The following STIL variants were observed in gnomAD, a reference collection of about 807,000 sequenced individuals.
STIL encodes the protein SCL-interrupting locus protein.
Under a neutral mutation model 110.1 loss-of-function variants are expected in STIL, and 55 were observed. That is an observed-to-expected ratio of 0.50 (90% confidence interval 0.40 to 0.63). The LOEUF is 0.63. Ranked by LOEUF, STIL falls within the 20% of genes least tolerant of loss-of-function variation. The pLI, the probability that STIL is intolerant of heterozygous loss-of-function variation, is 0.00. For synonymous variants in STIL, 481 were observed against 530.0 expected (o/e 0.91, Z 1.27); for missense variants, 1,358 against 1,530.0 (o/e 0.89, Z 1.87).
chr1:47,300,256 A>C, intron 5 of STIL, 104 bp from the exon 6 acceptor site: 2 of 1,097,956 alleles, frequency 1.8e-6, no homozygotes, highest in Non-Finnish European at 2.6e-6. Context: ...ATCTTGCACA[A>C]ATAAAATTAA....
Position 47,269,842 on chromosome 1 carries a change from G to A in STIL, c.2408C>T (p.Ala803Val), listed in dbSNP as rs1392670443. 1 of 1,614,112 alleles carries A rather than the reference G, an allele frequency of 6.2e-7. No homozygotes were observed. The highest frequency in any genetic ancestry group is 1.3e-5 in the African/African-American group (1 of 75,034). Residue 803 changes from alanine (A) to valine (V), a missense_variant, in exon 14 of 17, where the codon GCA (alanine) becomes GTA (valine). Ala to Val is a moderately conservative substitution (Grantham distance 64). Transcript: ENST00000371877. ...AGAGTCAGGCTCTTGATCCTCACCT[G>A]CTGCATTCCAAAACAAGCTAGCACC... ...STGASLFWNA[A>V]GEDQEPDSQM...
rs764383508 is a variant in STIL, at chr1:47,289,591, C to CA, written c.873-7dup. 8 of 1,609,770 alleles carry CA rather than the reference C, an allele frequency of 5.0e-6. No homozygotes were observed. Among genetic ancestry groups the CA allele is most frequent in the East Asian group, 2.2e-5 (1 of 44,806 alleles). On this transcript the variant is annotated splice_polypyrimidine_tract_variant and splice_region_variant and intron_variant, in intron 8 of 16. Transcript: ENST00000371877. ...TTCCAGATTCTGAAAAAACCCTGCA[C>CA]AAAAAAAGTCATTTAATTAAAATTT...
chr1:47,282,494 G>A (rs775290806), intron 10 of STIL, 35 bp from the exon 11 acceptor site: 1 of 1,281,594 alleles, frequency 7.8e-7, no homozygotes, highest in East Asian at 2.3e-5. Flanking sequence ...AAAAGCCTTT[G>A]GTAATCCAGT....
intron 5 of STIL, among the ~76,000 whole-genome samples, chr1:47,300,357 C>T (rs1250315602): frequency 6.6e-6 from 1 of 152,138 alleles, no homozygotes; most frequent in Non-Finnish European, 1.5e-5. Flanking sequence ...GTAAGATTTA[C>T]TGTCCCAAGC....
At chr1:47,289,305 GATTA>G (rs1645406765) in intron 9 of STIL, 126 bp downstream of exon 9, 11 of 568,398 alleles carry the variant, frequency 1.9e-5, no homozygotes, top group Non-Finnish European at 3.1e-5. Flanking sequence ...TATTTAATAA[GATTA>G]TTTATAAGTA....
chr1:47,293,393 G>C (rs1236017646), intron 8 of STIL, 65 bp downstream of exon 8: 2 of 1,330,710 alleles, frequency 1.5e-6, no homozygotes, highest in African/African-American at 2.9e-5. Context: ...ATTTTAAATG[G>C]GACCATAAAC....
intron 15 of STIL, among the ~76,000 whole-genome samples, chr1:47,262,106 C>G (rs1209282417): frequency 6.6e-6 from 1 of 152,138 alleles, no homozygotes; most frequent in African/African-American, 2.4e-5. Flanking sequence ...ACCTGTGATA[C>G]TATTTCTGCA....
intron 3 of STIL, among the ~76,000 whole-genome samples, chr1:47,304,492 C>T (rs1233278318): frequency 6.6e-6 from 1 of 152,232 alleles, no homozygotes; most frequent in Non-Finnish European, 1.5e-5. Flanking sequence ...TATTACTTTA[C>T]ACCTAAACTT....
chr1:47,312,479 TC>T (rs1408675270), intron 1 of STIL, among the ~76,000 whole-genome samples: 1 of 151,384 alleles, frequency 6.6e-6, no homozygotes, highest in Non-Finnish European at 1.5e-5. Context: ...GACTAAACAG[TC>T]CTTCTTAGAA....
In STIL at chr1:47,260,320, T is replaced by C. The variant is rs1345980323; in HGVS notation, c.3049A>G (p.Lys1017Glu). 1.2e-6 allele frequency: 2 copies of C among 1,614,032 alleles called. No homozygotes were observed. The highest frequency in any genetic ancestry group is 1.7e-6 in the Non-Finnish European group (2 of 1,180,022). ...GVKIDSPTKV[K>E]KNAHNVDHAS... ...TGATCCACGTTATGTGCATTTTTCTTCACTTTAGTGGGAGAATCAATTTTT... is the reference window on the plus strand; with the variant it reads ...TGATCCACGTTATGTGCATTTTTCTCCACTTTAGTGGGAGAATCAATTTTT... The change falls in exon 16 of 17, where the codon AAG (lysine) becomes GAG (glutamate). Residue 1017 changes from lysine (K) to glutamate (E), a missense_variant. Transcript: ENST00000371877.
intron 2 of STIL, among the ~76,000 whole-genome samples, chr1:47,306,398 T>C (rs1450631928): frequency 6.6e-6 from 1 of 151,888 alleles, no homozygotes; most frequent in African/African-American, 2.4e-5. Flanking sequence ...AGACCACAAA[T>C]GTGCACCACC....
intron 7 of STIL, among the ~76,000 whole-genome samples, chr1:47,293,989 A>G (rs376068397): frequency 1.3e-5 from 2 of 152,372 alleles, no homozygotes; most frequent in South Asian, 4.1e-4. Context: ...ACAGGTAGTC[A>G]GAAAGAGAGA....
At chr1:47,262,542 G>A (rs908216844) in intron 15 of STIL, among the ~76,000 whole-genome samples, 1 of 152,002 alleles carries the variant, frequency 6.6e-6, no homozygotes, top group African/African-American at 2.4e-5. Flanking sequence ...ATAAACATTG[G>A]CTTACCTGAA....
At chr1:47,290,702 CAAAA>C (rs546994585) in intron 8 of STIL, among the ~76,000 whole-genome samples, 2 of 75,858 alleles carry the variant, frequency 2.6e-5, no homozygotes, top group Admixed American at 1.5e-4. Context: ...GACTCCGTCT[CAAAA>C]AAAAAAAAAA....
chr1:47,254,801 C>A (rs756782895), intron 16 of STIL, among the ~76,000 whole-genome samples: 1 of 152,170 alleles, frequency 6.6e-6, no homozygotes, highest in Non-Finnish European at 1.5e-5. Context: ...TCCCAAAGTG[C>A]TGGGATAACA....
intron 14 of STIL, among the ~76,000 whole-genome samples, chr1:47,269,088 C>CAAA (rs60406768): frequency 9.2e-6 from 1 of 108,360 alleles, no homozygotes; most frequent in Non-Finnish European, 1.9e-5. Context: ...GGGACTCCGT[C>CAAA]AAAAAAAAAA....
chr1:47,301,654 C>T lies in STIL; in HGVS notation c.360G>A (p.Gly120=), dbSNP rs1308781068. ...GAACTTTGCATGGAATCAAAAAGTC[C>T]CCAGGAAGAGAAGCAGTAGGGGTTA... ...LEITPTASLP[G]DFLIPCKVHT... is the part of the protein sequence containing the mutation. The change falls in exon 5 of 17, where the codon GGG becomes GGA. Residue 120 remains glycine (G), a synonymous_variant. Coordinates refer to ENST00000371877, the MANE Select transcript of STIL (RefSeq NM_001048166.1). The T allele has an allele frequency of 1.2e-6, 2 of 1,613,690 alleles. No individual in the cohort carries two copies. Among genetic ancestry groups the T allele is most frequent in the African/African-American group, 2.7e-5 (2 of 74,836 alleles).
intron 1 of STIL, among the ~76,000 whole-genome samples, chr1:47,311,626 C>T (rs1221018857): frequency 6.6e-6 from 1 of 152,194 alleles, no homozygotes; most frequent in Non-Finnish European, 1.5e-5. Context: ...TGGACAGTTC[C>T]ATCTAAGTAT....
chr1:47,272,321 A>T, intron 12 of STIL, 80 bp from the exon 13 acceptor site: 1 of 1,470,662 alleles, frequency 6.8e-7, no homozygotes, highest in Non-Finnish European at 9.5e-7. Context: ...TGAATTACAA[A>T]GCGCCCTAAT....
Sources: gnomAD v4.1 joint callset for allele counts (sites outside exome capture counted in the v4.1 genomes callset) on GRCh38, gnomAD v4.1.1 for gene constraint, MANE v1.5 for transcripts, NCBI Gene and HGNC (gene_info 2026-07-23, HGNC 2026-07-21) for gene names.